GRB10: variants seen among roughly 807,000 people sequenced by gnomAD.
The protein encoded by GRB10 is growth factor receptor-bound protein 10.
Under a neutral mutation model 80.9 loss-of-function variants are expected in GRB10, and 20 were observed. The observed-to-expected ratio is 0.25, with a 90% CI of 0.17 to 0.36. The LOEUF (loss-of-function observed/expected upper bound fraction) is 0.36. Among genes scored for constraint, GRB10 ranks in the 10% least tolerant of loss-of-function variants. The pLI is 1.00. For missense variants in GRB10, 548 were observed against 747.7 expected, an observed-to-expected ratio of 0.73 and a Z score of 3.12; for synonymous variants, 291 against 291.5, an observed-to-expected ratio of 1.00 and a Z score of 0.02.
intron 2 of GRB10, among the ~76,000 whole-genome samples, chr7:50,769,456 T>C (rs185904444): frequency 3.3e-5 from 5 of 152,286 alleles, no homozygotes; most frequent in East Asian, 1.9e-4. Context: ...TTGGCAAATA[T>C]AGATCAGGTC....
chr7:50,710,803 T>A, intron 4 of GRB10: 1 of 1,528,944 alleles, frequency 6.5e-7, no homozygotes, highest in South Asian at 1.1e-5. Flanking sequence ...AGGTTCAAAT[T>A]AAAATAACAT....
intron 7 of GRB10, among the ~76,000 whole-genome samples, chr7:50,662,326 G>T (rs1235588881): frequency 1.3e-5 from 2 of 152,204 alleles, no homozygotes. Context: ...GGAAACCGAG[G>T]CTCCCTGATA....
rs551585611 is a variant in GRB10, at chr7:50,713,580, C to T, written c.52-9672G>A. On this transcript the variant is annotated intron_variant, in intron 4 of 18. Coordinates refer to ENST00000401949, the MANE Select transcript of GRB10 (RefSeq NM_001350814.2). ...CCACCTCCTCCACCATCTCCATCCT[C>T]ACCTCCACCTCCTCTACCATCTCCA... is the stretch of plus-strand genomic sequence containing the variant. 8.0e-5 allele frequency among the ~76,000 whole-genome samples: 12 copies of T among 149,986 alleles called. No homozygotes were observed. In the South Asian group the frequency reaches 2.6e-3, roughly 32 times the overall value.
At chr7:50,673,379 A>C (rs573643296) in intron 6 of GRB10, among the ~76,000 whole-genome samples, 1 of 152,308 alleles carries the variant, frequency 6.6e-6, no homozygotes, top group East Asian at 1.9e-4. Flanking sequence ...GATTCTACAA[A>C]GATCTTCATT....
intron 2 of GRB10, among the ~76,000 whole-genome samples, chr7:50,759,495 G>C (rs1472448291): frequency 6.6e-6 from 1 of 152,192 alleles, no homozygotes; most frequent in African/African-American, 2.4e-5. Context: ...ATTTGGATAT[G>C]ACCTACACAC....
chr7:50,663,275 A>T (rs2059458653), intron 7 of GRB10, among the ~76,000 whole-genome samples: 1 of 152,124 alleles, frequency 6.6e-6, no homozygotes, highest in Admixed American at 6.5e-5. Context: ...CCCCACAAGG[A>T]GTAGGTGGCA....
rs749467873 is a variant in GRB10 at position 50,737,018 on chromosome 7, G to A, written c.-46-4650C>T. On this transcript the variant is annotated intron_variant, in intron 3 of 18. Coordinates refer to ENST00000401949, the MANE Select transcript of GRB10 (RefSeq NM_001350814.2). ...AGATATGACACCAAAGGTGCAGGCC[G>A]AAGAAAAAATAAACTGGGTTTCACC... is the stretch of plus-strand genomic sequence containing the variant. 1.2e-4 allele frequency among the ~76,000 whole-genome samples: 19 copies of A among 152,102 alleles called. 1 individual carries two copies. Among genetic ancestry groups the A allele is most frequent in the Admixed American group, 6.5e-4 (10 of 15,274 alleles).
At chr7:50,595,075 T>G (rs2046397960) in intron 18 of GRB10, among the ~76,000 whole-genome samples, 1 of 152,024 alleles carries the variant, frequency 6.6e-6, no homozygotes, top group Non-Finnish European at 1.5e-5. Context: ...CCACCTCCCC[T>G]TCCTGTGACC....
At chr7:50,640,007 T>TG (rs2055918087) in intron 7 of GRB10, among the ~76,000 whole-genome samples, 1 of 152,206 alleles carries the variant, frequency 6.6e-6, no homozygotes, top group South Asian at 2.1e-4. Flanking sequence ...TAAGAAAGTA[T>TG]GGCATGAAAG....
At chr7:50,639,923 A>G (rs1449564040) in intron 7 of GRB10, among the ~76,000 whole-genome samples, 3 of 152,228 alleles carry the variant, frequency 2.0e-5, no homozygotes, top group Non-Finnish European at 4.4e-5. Context: ...TATAAAATAG[A>G]ATCATTTTGT....
chr7:50,750,083 C>A (rs370363488), intron 3 of GRB10, among the ~76,000 whole-genome samples: 13 of 152,178 alleles, frequency 8.5e-5, no homozygotes, highest in African/African-American at 1.7e-4. Flanking sequence ...AAAAGGAGAA[C>A]CTATTTCGTG....
intron 4 of GRB10, chr7:50,729,414 A>T (rs2069232025): frequency 1.3e-5 from 2 of 152,194 alleles, no homozygotes; most frequent in African/African-American, 4.8e-5. Flanking sequence ...AAGATAATAA[A>T]TGTTGCTTTT....
At chr7:50,758,099 G>GAGTT (rs2075310188) in intron 2 of GRB10, among the ~76,000 whole-genome samples, 1 of 152,152 alleles carries the variant, frequency 6.6e-6, no homozygotes, top group South Asian at 2.1e-4. Context: ...ATAAACTGAA[G>GAGTT]AGTTAGTAAG....
chr7:50,683,506 G>A (rs2061761201), intron 5 of GRB10, among the ~76,000 whole-genome samples: 1 of 152,226 alleles, frequency 6.6e-6, no homozygotes, highest in Admixed American at 6.5e-5. Flanking sequence ...GGAGGCCGTG[G>A]CGGGTGGATC....
chr7:50,767,200 C>T (rs2076437907), intron 2 of GRB10, among the ~76,000 whole-genome samples: 8 of 152,158 alleles, frequency 5.3e-5, no homozygotes, highest in Admixed American at 4.6e-4. Flanking sequence ...GCCTGGCTGC[C>T]GGGAAGTCCA....
intron 5 of GRB10, among the ~76,000 whole-genome samples, chr7:50,702,516 G>T (rs1399509084): frequency 6.6e-6 from 1 of 152,212 alleles, no homozygotes; most frequent in Non-Finnish European, 1.5e-5. Flanking sequence ...TAAAATGATT[G>T]AGAGGTGGCC....
At chr7:50,672,157 C>CGTA (rs2060429502) in intron 6 of GRB10, among the ~76,000 whole-genome samples, 1 of 152,228 alleles carries the variant, frequency 6.6e-6, no homozygotes, top group South Asian at 2.1e-4. Context: ...CTGCCCATAC[C>CGTA]CTGCCTGCCC....
chr7:50,609,375 TG>T (rs1002825554), intron 13 of GRB10, among the ~76,000 whole-genome samples: 28 of 152,202 alleles, frequency 1.8e-4, no homozygotes, highest in African/African-American at 6.8e-4. Context: ...GATTAGACTC[TG>T]GGGCAAGGAG....
At chr7:50,789,985 G>A (rs946695784) in intron 1 of GRB10, among the ~76,000 whole-genome samples, 3 of 152,160 alleles carry the variant, frequency 2.0e-5, no homozygotes, top group African/African-American at 7.2e-5. Context: ...TCTCCCTGCA[G>A]TTAGCAGGCC....
Sources: allele counts gnomAD v4.1 joint callset (sites outside exome capture counted in the v4.1 genomes callset), GRCh38; gene constraint gnomAD v4.1.1; transcripts MANE v1.5; gene names NCBI Gene and HGNC (gene_info 2026-07-23, HGNC 2026-07-21).